CTNNA2: variants seen among roughly 807,000 people sequenced by gnomAD.
CTNNA2 encodes the protein catenin alpha 2, also known as catenin alpha-2.
A neutral mutation model predicts 101.0 loss-of-function variants in CTNNA2; 42 were observed. The ratio of observed to expected loss-of-function variants is 0.42; its 90% CI spans 0.32 to 0.54. The LOEUF (loss-of-function observed/expected upper bound fraction) is 0.54. Ranked by LOEUF, CTNNA2 falls within the 20% of genes least tolerant of loss-of-function variation. The pLI is 0.14. For missense variants in CTNNA2, 871 were observed against 1,223.1 expected, an observed-to-expected ratio of 0.71 and a Z score of 4.29; for synonymous variants, 450 against 456.4, an observed-to-expected ratio of 0.99 and a Z score of 0.18.
At chr2:79,522,034 G>C (rs1412892519) in intron 1 of CTNNA2, among the ~76,000 whole-genome samples, 2 of 152,196 alleles carry the variant, frequency 1.3e-5, no homozygotes, top group Non-Finnish European at 2.9e-5. Context: ...TTGCCCATCT[G>C]TGAAATCAGG....
chr2:80,314,093 A>G (rs1392294085), intron 7 of CTNNA2, among the ~76,000 whole-genome samples: 4 of 152,218 alleles, frequency 2.6e-5, no homozygotes, highest in Non-Finnish European at 4.4e-5. Context: ...CATATAGATC[A>G]GGGAGTCCCT....
intron 9 of CTNNA2, among the ~76,000 whole-genome samples, chr2:80,542,275 T>C (rs1691639773): frequency 6.6e-6 from 1 of 152,082 alleles, no homozygotes; most frequent in Non-Finnish European, 1.5e-5. Flanking sequence ...TATAGTTTGT[T>C]TTTTCTATTC....
chr2:79,639,571 T>A (rs1318807358), intron 1 of CTNNA2, among the ~76,000 whole-genome samples: 2 of 151,036 alleles, frequency 1.3e-5, no homozygotes, highest in Non-Finnish European at 2.9e-5. Flanking sequence ...TCATTAAAAG[T>A]TTTTTTTTCG....
At chr2:79,190,958 G>T (rs1673861739) in intron 1 of CTNNA2, among the ~76,000 whole-genome samples, 1 of 152,086 alleles carries the variant, frequency 6.6e-6, no homozygotes, top group Admixed American at 6.6e-5. Flanking sequence ...CTCCCTCTTT[G>T]TTAGTTCAGC....
At chr2:79,785,548 C>CT (rs1221435968) in intron 3 of CTNNA2, among the ~76,000 whole-genome samples, 1 of 150,926 alleles carries the variant, frequency 6.6e-6, no homozygotes, top group African/African-American at 2.4e-5. Context: ...ACACACTTTG[C>CT]TTTTTTTCCC....
At chr2:79,997,889 G>T (rs1692669762) in intron 7 of CTNNA2, among the ~76,000 whole-genome samples, 1 of 152,172 alleles carries the variant, frequency 6.6e-6, no homozygotes, top group African/African-American at 2.4e-5. Context: ...GTAGATTATG[G>T]TGTCCAACAT....
At chr2:80,258,137 T>C (rs1004948129) in intron 7 of CTNNA2, among the ~76,000 whole-genome samples, 1 of 152,246 alleles carries the variant, frequency 6.6e-6, no homozygotes, top group Non-Finnish European at 1.5e-5. Flanking sequence ...CTGTATGGGC[T>C]AGCTAAAAGG....
chr2:79,956,090 C>A (rs1323950661), intron 7 of CTNNA2, among the ~76,000 whole-genome samples: 1 of 152,194 alleles, frequency 6.6e-6, no homozygotes, highest in Non-Finnish European at 1.5e-5. Flanking sequence ...ATAGTAGTTT[C>A]AACCCAAGAA....
chr2:80,083,412 A>G (rs1362303804), intron 7 of CTNNA2, among the ~76,000 whole-genome samples: 1 of 152,094 alleles, frequency 6.6e-6, no homozygotes, highest in African/African-American at 2.4e-5. Flanking sequence ...AGAGATCTTC[A>G]AGACTCTGGG....
intron 7 of CTNNA2, among the ~76,000 whole-genome samples, chr2:80,108,381 G>T (rs7574210): frequency 0.051 from 7,770 of 152,148 alleles, 686 homozygotes; most frequent in African/African-American, 0.18. Flanking sequence ...TCACTATGCT[G>T]CCCCCTACCC....
At chr2:79,284,550 G>T (rs929155117) in intron 2 of CTNNA2, among the ~76,000 whole-genome samples, 6 of 151,400 alleles carry the variant, frequency 4.0e-5, no homozygotes, top group African/African-American at 1.5e-4. Context: ...CTGTTTATAT[G>T]CTGGATTACA....
chr2:79,600,397 C>G (rs1336105580), intron 1 of CTNNA2, among the ~76,000 whole-genome samples: 1 of 151,946 alleles, frequency 6.6e-6, no homozygotes. Context: ...AGGCTGGTCT[C>G]AAACTCCTGG....
chr2:79,231,022 T>C (rs940424738), intron 2 of CTNNA2, among the ~76,000 whole-genome samples: 3 of 152,232 alleles, frequency 2.0e-5, no homozygotes, highest in Admixed American at 6.5e-5. Flanking sequence ...TACAGGCTCA[T>C]AGGGAGAAGG....
chr2:80,188,476 T>A (rs936204845), intron 7 of CTNNA2, among the ~76,000 whole-genome samples: 2 of 152,114 alleles, frequency 1.3e-5, no homozygotes, highest in African/African-American at 4.8e-5. Context: ...ACAACAAAAA[T>A]TTATTATCTG....
chr2:79,544,858 GAAGC>G (rs1427023734), intron 1 of CTNNA2, among the ~76,000 whole-genome samples: 1 of 152,096 alleles, frequency 6.6e-6, no homozygotes. Context: ...TTTGGAAGAG[GAAGC>G]AAGCAACTGT....
intron 14 of CTNNA2, chr2:80,586,147 G>A (rs963716065): frequency 6.6e-6 from 1 of 152,176 alleles, no homozygotes; most frequent in Non-Finnish European, 1.5e-5. Flanking sequence ...CTCTGGGCAG[G>A]ATATGGCAGC....
At chr2:80,322,400 C>G (rs1678788410) in intron 7 of CTNNA2, among the ~76,000 whole-genome samples, 1 of 152,202 alleles carries the variant, frequency 6.6e-6, no homozygotes, top group African/African-American at 2.4e-5. Flanking sequence ...TGCACGGAGC[C>G]ACTTCCCTGA....
chr2:80,262,029 G>T (rs318368), intron 7 of CTNNA2, among the ~76,000 whole-genome samples: 67,291 of 151,910 alleles, frequency 0.44, 16,482 homozygotes, highest in Non-Finnish European at 0.56. Context: ...ATTTAAGAAA[G>T]ATTTTAAAAT....
intron 7 of CTNNA2, among the ~76,000 whole-genome samples, chr2:80,286,210 C>T (rs1446973607): frequency 2.6e-5 from 4 of 152,142 alleles, no homozygotes; most frequent in African/African-American, 9.7e-5. Context: ...CACTGGTGGC[C>T]ATGACCCAGC....
Sources: gnomAD v4.1 joint callset for allele counts (sites outside exome capture counted in the v4.1 genomes callset) on GRCh38, gnomAD v4.1.1 for gene constraint, MANE v1.5 for transcripts, NCBI Gene and HGNC (gene_info 2026-07-23, HGNC 2026-07-21) for gene names.